Variants in GPHN observed in about 807,000 individuals in gnomAD.
GPHN encodes the protein gephyrin.
GPHN carries 17 observed loss-of-function variants against 95.5 expected under a neutral mutation model. That is an observed-to-expected ratio of 0.18 (90% CI 0.12 to 0.27). The LOEUF is 0.27. Ranked by LOEUF, GPHN falls within the 10% of genes least tolerant of loss-of-function variation. The pLI, the probability that GPHN is intolerant of heterozygous loss-of-function variation, is 1.00. For synonymous variants in GPHN, 320 were observed against 322.5 expected (o/e 0.99, Z 0.08); for missense variants, 660 against 978.1 (o/e 0.67, Z 4.34).
At chr14:67,688,598 CT>C in the GPHN span, among the ~76,000 whole-genome samples, 320 of 136,476 alleles carry the variant, frequency 2.3e-3, no homozygotes, top group Middle Eastern at 7.4e-3. Context: ...GCTTTGAACT[CT>C]TTTTTTTTTT....
At chr14:67,585,383 C>T in the GPHN span, 11 of 574,728 alleles carry the variant, frequency 1.9e-5, no homozygotes, top group Non-Finnish European at 3.4e-5. Context: ...CAAGGGTCTC[C>T]TGTCACAAGC....
chr14:67,673,817 G>T, the GPHN span, among the ~76,000 whole-genome samples: 1 of 152,138 alleles, frequency 6.6e-6, no homozygotes, highest in African/African-American at 2.4e-5. Context: ...CCTGAATCAT[G>T]AAATTAAGGG....
intron 1 of GPHN, among the ~76,000 whole-genome samples, chr14:66,629,614 T>C (rs1426025898): frequency 1.3e-5 from 2 of 152,202 alleles, no homozygotes; most frequent in Non-Finnish European, 2.9e-5. Flanking sequence ...TCAAGTGTTA[T>C]GTAGTGTACA....
intron 1 of GPHN, among the ~76,000 whole-genome samples, chr14:66,552,060 A>G (rs1480684907): frequency 2.0e-5 from 3 of 152,198 alleles, no homozygotes; most frequent in Non-Finnish European, 4.4e-5. Context: ...TTCTGATTCT[A>G]TAATCTAAAA....
the GPHN span, among the ~76,000 whole-genome samples, chr14:67,305,984 T>C: frequency 6.6e-6 from 1 of 152,070 alleles, no homozygotes; most frequent in East Asian, 1.9e-4. Flanking sequence ...GCTTTTTCTG[T>C]TCTTTTTACT....
chr14:66,914,299 A>T (rs375795024), intron 5 of GPHN, among the ~76,000 whole-genome samples: 2 of 152,296 alleles, frequency 1.3e-5, no homozygotes, highest in Admixed American at 6.5e-5. Context: ...TTCACTTGCC[A>T]CTAACCTTCT....
chr14:66,842,607 C>T (rs944392279), intron 4 of GPHN: 3 of 1,051,456 alleles, frequency 2.9e-6, no homozygotes, highest in Non-Finnish European at 4.2e-6. Flanking sequence ...GTTTGTACAG[C>T]CCTAAATTTG....
the GPHN span, among the ~76,000 whole-genome samples, chr14:67,617,976 C>T: frequency 6.6e-6 from 1 of 152,188 alleles, no homozygotes; most frequent in Non-Finnish European, 1.5e-5. Context: ...GCCTCGGCCT[C>T]CCAAAATGCT....
chr14:67,626,564 G>T, the GPHN span, among the ~76,000 whole-genome samples: 1 of 152,190 alleles, frequency 6.6e-6, no homozygotes, highest in Non-Finnish European at 1.5e-5. Context: ...CCAGGCTGGA[G>T]TGCAGTGGTG....
At chr14:66,816,856 G>A (rs541893409) in intron 3 of GPHN, among the ~76,000 whole-genome samples, 4 of 152,126 alleles carry the variant, frequency 2.6e-5, no homozygotes, top group Admixed American at 1.3e-4. Flanking sequence ...TAATGGATGA[G>A]TATAAGGCTC....
chr14:66,649,463 C>T (rs1202769998), intron 1 of GPHN, among the ~76,000 whole-genome samples: 1 of 152,200 alleles, frequency 6.6e-6, no homozygotes, highest in Non-Finnish European at 1.5e-5. Flanking sequence ...GAAGCTTCAT[C>T]TGTATTTACA....
chr14:67,456,205 T>C, the GPHN span, among the ~76,000 whole-genome samples: 74,465 of 152,122 alleles, frequency 0.49, 20,770 homozygotes, highest in African/African-American at 0.77. Context: ...GGCCAACAAG[T>C]ATATGAGAAA....
intron 16 of GPHN, among the ~76,000 whole-genome samples, chr14:67,117,993 G>C (rs2078787956): frequency 6.6e-6 from 1 of 152,108 alleles, no homozygotes; most frequent in African/African-American, 2.4e-5. Flanking sequence ...AAGACCACCA[G>C]GGAAACCTGT....
chr14:66,667,060 C>A (rs1384476049), intron 1 of GPHN, among the ~76,000 whole-genome samples: 1 of 152,042 alleles, frequency 6.6e-6, no homozygotes, highest in Non-Finnish European at 1.5e-5. Context: ...GAATAAAATA[C>A]CTAGGAATAT....
At chr14:67,075,032 T>C (rs1425849105) in intron 11 of GPHN, among the ~76,000 whole-genome samples, 1 of 152,162 alleles carries the variant, frequency 6.6e-6, no homozygotes, top group African/African-American at 2.4e-5. Flanking sequence ...GAAACAGTCT[T>C]ATATATAGGA....
the GPHN span, among the ~76,000 whole-genome samples, chr14:67,194,032 C>CA: frequency 1.3e-4 from 19 of 148,524 alleles, no homozygotes; most frequent in Admixed American, 1.3e-3. Context: ...ACTGGAAAGA[C>CA]ATATACCAAA....
At chr14:67,011,667 A>G (rs1173262174) in intron 9 of GPHN, among the ~76,000 whole-genome samples, 2 of 150,708 alleles carry the variant, frequency 1.3e-5, no homozygotes, top group East Asian at 3.9e-4. Flanking sequence ...ATAATGCTAT[A>G]TTTCCCAGGA....
chr14:66,687,074 A>G (rs2067419229), intron 2 of GPHN, among the ~76,000 whole-genome samples: 1 of 152,104 alleles, frequency 6.6e-6, no homozygotes, highest in African/African-American at 2.4e-5. Context: ...CGTATGTTGA[A>G]CCAGCCTTGT....
intron 7 of GPHN, 133 bp downstream of exon 7, chr14:66,923,071 C>T (rs2066301823): frequency 1.3e-6 from 1 of 744,194 alleles, no homozygotes; most frequent in Non-Finnish European, 2.4e-6. Context: ...AGTGGGATGT[C>T]CATGACACTC....
Sources: allele counts gnomAD v4.1 joint callset (sites outside exome capture counted in the v4.1 genomes callset), GRCh38; gene constraint gnomAD v4.1.1; transcripts MANE v1.5; gene names NCBI Gene and HGNC (gene_info 2026-07-23, HGNC 2026-07-21).